Variants in C2orf42 observed in about 807,000 individuals in gnomAD.
C2orf42 encodes the protein chromosome 2 open reading frame 42, also known as uncharacterized protein C2orf42.
In C2orf42, 44 loss-of-function variants were observed where a neutral mutation model predicts 58.9. The ratio of observed to expected loss-of-function variants is 0.75; its 90% CI spans 0.59 to 0.96. The LOEUF (loss-of-function observed/expected upper bound fraction) is 0.96. Among genes scored for constraint, C2orf42 ranks in the 40% least tolerant of loss-of-function variants. The pLI is 0.00. For synonymous variants in C2orf42, 239 were observed against 265.4 expected (o/e 0.90, Z 0.97); for missense variants, 630 against 699.2 (o/e 0.90, Z 1.12).
At chr2:70,180,985 A>G (rs1297583128) in intron 3 of C2orf42, among the ~76,000 whole-genome samples, 178 bp downstream of exon 3, 4 of 142,326 alleles carry the variant, frequency 2.8e-5, no homozygotes, top group Non-Finnish European at 4.6e-5. Context: ...TGGGCAACAA[A>G]GTGAGACCTT....
chr2:70,171,046 C>T (rs555040273), intron 5 of C2orf42, among the ~76,000 whole-genome samples: 524 of 151,922 alleles, frequency 3.4e-3, no homozygotes, highest in African/African-American at 0.012. Context: ...ACCCGGGAGG[C>T]GGAGCTTGCA....
chr2:70,185,686 C>T (rs35038712), intron 1 of C2orf42, among the ~76,000 whole-genome samples: 16 of 151,498 alleles, frequency 1.1e-4, no homozygotes, highest in Admixed American at 4.0e-4. Flanking sequence ...GCACTTCAGC[C>T]TGGGAAACAG....
chr2:70,169,566 G>A lies in C2orf42; in HGVS notation c.1135C>T (p.Gln379Ter). The A allele has an allele frequency of 6.5e-7, 1 of 1,546,226 alleles. No individual in the cohort carries two copies. The highest frequency in any genetic ancestry group is 8.9e-7 in the Non-Finnish European group (1 of 1,118,332). Reference protein sequence around the residue: ...TERIHQTMHYQFDGKPEPLVF... With the variant: ...TERIHQTMHY ...GATGAACAATACTTACCATCAAACT[G>A]ATAGTGCATGGTTTGATGGATGCGT... Residue 379 changes from glutamine (Q) to a stop codon, truncating the protein, a stop_gained, in exon 6 of 10, where the codon CAG becomes TAG. Coordinates refer to ENST00000264434, the MANE Select transcript of C2orf42 (RefSeq NM_017880.3). LOFTEE classifies it high-confidence loss of function.
In C2orf42 at chr2:70,165,071, G is replaced by A. The variant is rs140651209; in HGVS notation, c.1353+21C>T. On this transcript the variant is annotated intron_variant, in intron 8 of 9. Coordinates refer to ENST00000264434, the MANE Select transcript of C2orf42 (RefSeq NM_017880.3). ...CTCTTCCCTTCACAACCCTCCCACT[G>A]TTATAGAAATAAACTCTCACCTCTG... The A allele has an allele frequency of 4.5e-4, 607 of 1,341,858 alleles. 4 individuals carry two copies. In the African/African-American group the frequency reaches 7.9e-3, roughly 18 times the overall value. 83.1% of individuals were successfully genotyped at this position (1,341,858 alleles called of 1,614,324 possible). A position where few individuals can be genotyped will look rare whatever the true frequency, so the allele number is the denominator to read the frequency against.
intron 9 of C2orf42, among the ~76,000 whole-genome samples, chr2:70,152,424 C>A (rs770346818): frequency 3.3e-5 from 5 of 152,162 alleles, no homozygotes; most frequent in African/African-American, 1.2e-4. Flanking sequence ...TAAAAACTTA[C>A]AACTGATGAA....
chr2:70,172,444 G>A (rs762906840), intron 5 of C2orf42, among the ~76,000 whole-genome samples: 14 of 151,070 alleles, frequency 9.3e-5, no homozygotes, highest in Non-Finnish European at 1.6e-4. Context: ...TTGGGAGGCC[G>A]AGGCGGGTGG....
intron 1 of C2orf42, among the ~76,000 whole-genome samples, chr2:70,185,503 G>C (rs1257594189): frequency 6.6e-6 from 1 of 151,974 alleles, no homozygotes; most frequent in Non-Finnish European, 1.5e-5. Flanking sequence ...TTGAGGCCAG[G>C]AGTTCGAGAC....
In C2orf42 at chr2:70,179,761, C is replaced by T. The variant is rs192765900; in HGVS notation, c.824-119G>A. ...AATCCCCCAAACGAATTATCCCAGG[C>T]TGGGCAACATAGGCAGACCCCAACT... is the stretch of plus-strand genomic sequence containing the variant. On this transcript the variant is annotated intron_variant, in intron 3 of 9. Transcript: ENST00000264434. The T allele has an allele frequency of 2.0e-5, 9 of 452,168 alleles. No individual in the cohort carries two copies. In the Admixed American group the frequency reaches 2.7e-4, roughly 14 times the overall value. The allele number at this position is 452,168 out of a possible 1,614,324, so 28.0% of individuals were successfully genotyped here. A position where few individuals can be genotyped will look rare whatever the true frequency, so the allele number is the denominator to read the frequency against.
In C2orf42 at chr2:70,150,443, A is replaced by G. The variant is rs1440620790; in HGVS notation, c.1638T>C (p.Asn546=). 1 of 1,614,060 alleles carries G rather than the reference A, an allele frequency of 6.2e-7. No homozygotes were observed. The highest frequency in any genetic ancestry group is 8.5e-7 in the Non-Finnish European group (1 of 1,180,020). ...RIKFEYGHHR[N]GHVAEYQDQR... is the part of the protein sequence containing the mutation. ...GGTCTTGGTACTCCGCCACATGCCC[A>G]TTCCGGTGGTGGCCATACTCAAACT... is the stretch of plus-strand genomic sequence containing the variant. The change falls in exon 10 of 10, where the codon AAT becomes AAC. Residue 546 remains asparagine, a synonymous_variant. Coordinates refer to ENST00000264434, the MANE Select transcript of C2orf42 (RefSeq NM_017880.3).
chr2:70,186,742 G>A (rs1414612306), intron 1 of C2orf42, among the ~76,000 whole-genome samples: 1 of 152,076 alleles, frequency 6.6e-6, no homozygotes, highest in African/African-American at 2.4e-5. Context: ...AGAAAATGTG[G>A]CACATATACA....
At chr2:70,173,287 T>TTTTTTTTTTTTTTTTTTTTTTTTTTTC (rs1673954862) in intron 5 of C2orf42, among the ~76,000 whole-genome samples, 1 of 140,240 alleles carries the variant, frequency 7.1e-6, no homozygotes, top group African/African-American at 2.6e-5. Context: ...TTTTTTTTTT[T>TTTTTTTTTTTTTTTTTTTTTTTTTTTC]TTTTGAGACG....
At chr2:70,160,593 CA>C in intron 9 of C2orf42, 31 bp downstream of exon 9, 1 of 1,546,528 alleles carries the variant, frequency 6.5e-7, no homozygotes, top group South Asian at 1.2e-5. Context: ...AGCTGACACT[CA>C]AAGGAAGATG....
At chr2:70,183,254 T>C in intron 1 of C2orf42, among the ~76,000 whole-genome samples, 1 of 151,876 alleles carries the variant, frequency 6.6e-6, no homozygotes, top group East Asian at 1.9e-4. Flanking sequence ...CTGGACAACA[T>C]AGTGAGACCT....
At chr2:70,159,830 C>T (rs1275247246) in intron 9 of C2orf42, among the ~76,000 whole-genome samples, 1 of 152,030 alleles carries the variant, frequency 6.6e-6, no homozygotes, top group African/African-American at 2.4e-5. Context: ...GCCACTGTGC[C>T]CAGCTTTCAT....
At chr2:70,179,350 C>T (rs961523665) in intron 4 of C2orf42, among the ~76,000 whole-genome samples, 182 bp downstream of exon 4, 1 of 152,102 alleles carries the variant, frequency 6.6e-6, no homozygotes, top group Non-Finnish European at 1.5e-5. Context: ...GGGAGAATCA[C>T]TTAAGGCCTG....
intron 9 of C2orf42, among the ~76,000 whole-genome samples, chr2:70,157,534 C>T (rs1256140203): frequency 3.3e-5 from 5 of 152,116 alleles, no homozygotes; most frequent in Non-Finnish European, 7.3e-5. Flanking sequence ...CGGTGGCTCA[C>T]GCCTGTAATC....
rs1674417325 is a variant in C2orf42 at position 70,179,618 on chromosome 2, T to C, written c.848A>G (p.Gln283Arg). Residue 283 changes from glutamine (Q) to arginine (R), a missense_variant, in exon 4 of 10, where the codon CAG (glutamine) becomes CGG (arginine). Gln to Arg is a conservative substitution (Grantham distance 43). Coordinates refer to ENST00000264434, the MANE Select transcript of C2orf42 (RefSeq NM_017880.3). ...SSGLKEIIVP[Q>R]LGCHSESTVS... ...TGTTGATTCTGAATGGCAACCTAAC[T>C]GGGGTACAATAATCTCTTTAAGACC... 1.3e-6 allele frequency: 2 copies of C among 1,501,058 alleles called. No homozygotes were observed. Among genetic ancestry groups the C allele is most frequent in the Non-Finnish European group, 1.9e-6 (2 of 1,078,320 alleles). The allele number at this position is 1,501,058 out of a possible 1,614,324, so 93.0% of individuals were successfully genotyped here. A position where few individuals can be genotyped will look rare whatever the true frequency, so the allele number is the denominator to read the frequency against.
chr2:70,164,340 A>T (rs900719772), intron 8 of C2orf42, among the ~76,000 whole-genome samples: 12 of 151,512 alleles, frequency 7.9e-5, no homozygotes, highest in Non-Finnish European at 1.3e-4. Flanking sequence ...CCAAAAAAAA[A>T]TTTTTTTTAA....
intron 3 of C2orf42, 22 bp downstream of exon 3, chr2:70,181,141 C>T (rs1160899605): frequency 1.4e-6 from 2 of 1,415,218 alleles, no homozygotes; most frequent in Non-Finnish European, 1.9e-6. Context: ...AACGTAATAA[C>T]CACATCAACC....
Sources: allele counts gnomAD v4.1 joint callset (sites outside exome capture counted in the v4.1 genomes callset), GRCh38; gene constraint gnomAD v4.1.1; transcripts MANE v1.5; gene names NCBI Gene and HGNC (gene_info 2026-07-23, HGNC 2026-07-21).